UBR2: variants seen among roughly 807,000 people sequenced by gnomAD.
The protein encoded by UBR2 is E3 ubiquitin-protein ligase UBR2.
Under a neutral mutation model 247.9 loss-of-function variants are expected in UBR2, and 92 were observed. The ratio of observed to expected loss-of-function variants is 0.37; its 90% CI spans 0.31 to 0.44. The LOEUF is 0.44. UBR2 is among the 20% of genes least tolerant of loss of function. The pLI is 1.00. For missense variants in UBR2, 1,613 were observed against 2,112.6 expected (o/e 0.76, Z 4.64); for synonymous variants, 672 against 693.5 (o/e 0.97, Z 0.49).
chr6:42,570,687 GT>G (rs1791063821), intron 1 of UBR2, among the ~76,000 whole-genome samples: 6 of 148,782 alleles, frequency 4.0e-5, no homozygotes, highest in Admixed American at 1.3e-4. Flanking sequence ...TTTTTTTGTT[GT>G]TTGTTTGTTT....
chr6:42,633,762 A>T (rs1338615397), intron 13 of UBR2, among the ~76,000 whole-genome samples: 1 of 149,172 alleles, frequency 6.7e-6, no homozygotes, highest in African/African-American at 2.5e-5. Flanking sequence ...ATAGTTTTTC[A>T]CTCTGTTGCC....
chr6:42,678,116 C>G (rs1798820173), intron 40 of UBR2, among the ~76,000 whole-genome samples: 1 of 152,304 alleles, frequency 6.6e-6, no homozygotes, highest in Non-Finnish European at 1.5e-5. Context: ...GCGGGCAGAT[C>G]ACAAGATCAG....
At chr6:42,690,499 C>T (rs151167040) in intron 46 of UBR2, among the ~76,000 whole-genome samples, 63 of 152,336 alleles carry the variant, frequency 4.1e-4, no homozygotes, top group Admixed American at 2.2e-3. Context: ...CCAAAGCTTG[C>T]ACTTGTGTTT....
At chr6:42,686,777 G>C (rs1360378573) in intron 44 of UBR2, among the ~76,000 whole-genome samples, 1 of 151,822 alleles carries the variant, frequency 6.6e-6, no homozygotes, top group Non-Finnish European at 1.5e-5. Flanking sequence ...CTGGGCGGCT[G>C]CTGGGCGGAG....
At chr6:42,567,217 G>C (rs1427191737) in intron 1 of UBR2, among the ~76,000 whole-genome samples, 1 of 152,024 alleles carries the variant, frequency 6.6e-6, no homozygotes, top group African/African-American at 2.4e-5. Flanking sequence ...AACTTTTTGT[G>C]ATCCCATCCA....
intron 1 of UBR2, among the ~76,000 whole-genome samples, chr6:42,566,633 C>T (rs1790793871): frequency 6.6e-6 from 1 of 152,252 alleles, no homozygotes; most frequent in South Asian, 2.1e-4. Flanking sequence ...GGTTATCCGT[C>T]CGCCTTGGCC....
chr6:42,670,060 T>C, intron 34 of UBR2, 32 bp from the exon 35 acceptor site: 1 of 1,610,636 alleles, frequency 6.2e-7, no homozygotes, highest in Non-Finnish European at 8.5e-7. Flanking sequence ...GTGCACATTG[T>C]TCTGAGCTAA....
In UBR2 at chr6:42,663,324, T is replaced by C; in HGVS notation, c.3603T>C (p.Tyr1201=). The change falls in exon 32 of 47, where the codon TAT becomes TAC. Residue 1201 remains tyrosine, a synonymous_variant. Transcript: ENST00000372901. ...RQQRLRLHTS[Y]DVENGEFLCP... is the part of the protein sequence containing the mutation. ...AGAGATTACGCTTACATACGAGCTA[T>C]GATGTAGAAAACGGAGAATTCCTTT... 1.9e-6 allele frequency: 3 copies of C among 1,613,978 alleles called. No individual in the cohort carries two copies. Among genetic ancestry groups the C allele is most frequent in the Non-Finnish European group, 2.5e-6 (3 of 1,179,944 alleles).
chr6:42,613,635 T>C (rs1221608858), intron 8 of UBR2, among the ~76,000 whole-genome samples: 4 of 152,156 alleles, frequency 2.6e-5, no homozygotes, highest in African/African-American at 7.2e-5. Context: ...TTTTGGTGTT[T>C]TCCATTGGAT....
At chr6:42,596,799 A>G (rs953100027) in intron 4 of UBR2, among the ~76,000 whole-genome samples, 1 of 152,156 alleles carries the variant, frequency 6.6e-6, no homozygotes, top group Non-Finnish European at 1.5e-5. Context: ...GAGAGAAAAA[A>G]CAGATTGGTA....
At position 42,689,345 on chromosome 6, in the gene UBR2, G is replaced by GTA. The variant is rs1246766197; in HGVS notation, c.5025-223_5025-222dup. Among the ~76,000 whole-genome samples, 1 of 152,138 alleles carries GTA rather than the reference G, an allele frequency of 6.6e-6. No homozygotes were observed. The highest frequency in any genetic ancestry group is 2.1e-4 in the South Asian group (1 of 4,830). On this transcript the variant is annotated intron_variant, in intron 45 of 46. Coordinates refer to ENST00000372901, the MANE Select transcript of UBR2 (RefSeq NM_001363705.2). The surrounding 1 kb of genome is among the most constrained non-coding windows in gnomAD (Gnocchi z 4.0). Reference sequence around the variant, plus strand: ...CAATAAATGTCTGTTTAATTGTGCTGTACTATTAATGCCAGAAAAAGGCAA... The same window carrying GTA: ...CAATAAATGTCTGTTTAATTGTGCTGTATACTATTAATGCCAGAAAAAGGCAA...
intron 43 of UBR2, among the ~76,000 whole-genome samples, chr6:42,683,922 C>T (rs1799201555): frequency 6.6e-6 from 1 of 152,190 alleles, no homozygotes; most frequent in Non-Finnish European, 1.5e-5. Flanking sequence ...ACCCATATCT[C>T]TTAGTTCTGG....
intron 16 of UBR2, among the ~76,000 whole-genome samples, chr6:42,641,258 G>A (rs1796430195): frequency 6.6e-6 from 1 of 152,048 alleles, no homozygotes; most frequent in Non-Finnish European, 1.5e-5. Flanking sequence ...GAGGTCAGGA[G>A]TTCAAGACCA....
chr6:42,672,277 C>T (rs1277346280), intron 36 of UBR2, among the ~76,000 whole-genome samples: 2 of 152,072 alleles, frequency 1.3e-5, no homozygotes, highest in African/African-American at 4.8e-5. Context: ...AGGTGATCTG[C>T]CCATCTCGGC....
intron 2 of UBR2, among the ~76,000 whole-genome samples, chr6:42,580,748 G>A (rs561136165): frequency 6.4e-4 from 97 of 152,054 alleles, no homozygotes; most frequent in Non-Finnish European, 5.7e-4. Context: ...TCACCATGTT[G>A]GCCAGGATGG....
intron 26 of UBR2, among the ~76,000 whole-genome samples, chr6:42,656,816 T>G (rs1257191706): frequency 2.0e-5 from 3 of 152,212 alleles, no homozygotes; most frequent in Non-Finnish European, 4.4e-5. Flanking sequence ...TTTTACCTAT[T>G]CTTTTTCTCT....
chr6:42,573,634 C>A, intron 1 of UBR2, 100 bp from the exon 2 acceptor site: 1 of 1,293,032 alleles, frequency 7.7e-7, no homozygotes, highest in Non-Finnish European at 1.0e-6. Context: ...TTTTAATATG[C>A]TTTTGTCATT....
At chr6:42,673,506 T>A (rs1327520004) in intron 36 of UBR2, among the ~76,000 whole-genome samples, 1 of 152,110 alleles carries the variant, frequency 6.6e-6, no homozygotes, top group Non-Finnish European at 1.5e-5. Context: ...ATCTTGGGAG[T>A]GTCCCTTGCT....
rs764491075 is a variant in UBR2 at position 42,635,530 on chromosome 6, A to C, written c.1658A>C (p.Asp553Ala). The C allele has an allele frequency of 3.7e-6, 6 of 1,610,828 alleles. No homozygotes were observed. In the African/African-American group the frequency reaches 8.0e-5, roughly 22 times the overall value. Reference sequence around the variant, plus strand: ...ACACATGTCATTTCAATGATGCAGGACTGGTGTGCTTCAGATGTGAGTTTC... The same window carrying C: ...ACACATGTCATTTCAATGATGCAGGCCTGGTGTGCTTCAGATGTGAGTTTC... Reference protein sequence around the residue: ...KLTHVISMMQDWCASDEKVLI... With the variant: ...KLTHVISMMQAWCASDEKVLI... The change falls in exon 14 of 47, where the codon GAC becomes GCC. Residue 553 changes from aspartate to alanine, a missense_variant. By Grantham distance (126) the Asp-to-Ala change is moderately radical (BLOSUM62 -2). Transcript: ENST00000372901.
Sources: gnomAD v4.1 joint callset for allele counts (sites outside exome capture counted in the v4.1 genomes callset) on GRCh38, gnomAD v4.1.1 for gene constraint, Gnocchi (gnomAD v3.1) non-coding constraint, MANE v1.5 for transcripts, NCBI Gene and HGNC (gene_info 2026-07-23, HGNC 2026-07-21) for gene names.